Variants in HDAC9 observed in about 807,000 individuals in gnomAD.
The protein encoded by HDAC9 is histone deacetylase 9.
In HDAC9, 41 loss-of-function variants were observed where a neutral mutation model predicts 139.4. That is an observed-to-expected ratio of 0.29 (90% CI 0.23 to 0.38). The LOEUF (loss-of-function observed/expected upper bound fraction) is 0.38. Ranked by LOEUF, HDAC9 falls within the 10% of genes least tolerant of loss-of-function variation. The pLI, the probability that HDAC9 is intolerant of heterozygous loss-of-function variation, is 1.00. For missense variants in HDAC9, 1,147 were observed against 1,297.0 expected, an observed-to-expected ratio of 0.88 and a Z score of 1.78; for synonymous variants, 517 against 476.2, an observed-to-expected ratio of 1.09 and a Z score of -1.12.
chr7:18,476,431 A>G (rs1446331847), intron 1 of HDAC9, among the ~76,000 whole-genome samples: 1 of 151,980 alleles, frequency 6.6e-6, no homozygotes, highest in East Asian at 1.9e-4. Context: ...ACTCAAACCC[A>G]TACTTATTAG....
intron 11 of HDAC9, among the ~76,000 whole-genome samples, chr7:18,655,535 A>G (rs1790838800): frequency 6.6e-6 from 1 of 152,228 alleles, no homozygotes; most frequent in Non-Finnish European, 1.5e-5. Context: ...AGGAATTCAT[A>G]TAGATGTATT....
At position 18,840,852 on chromosome 7, in the gene HDAC9, G is replaced by C. The variant is rs1796539182; in HGVS notation, c.2684+4855G>C. Among the ~76,000 whole-genome samples, 4 of 152,230 alleles carry C rather than the reference G, an allele frequency of 2.6e-5. No homozygotes were observed. In the South Asian group the frequency reaches 8.3e-4, roughly 32 times the overall value. Reference sequence around the variant, plus strand: ...AGTTCACAGTCAAAGTGGCAATTCTGTTCCTGATGCTGAGTCTTTAATATA... The same window carrying C: ...AGTTCACAGTCAAAGTGGCAATTCTCTTCCTGATGCTGAGTCTTTAATATA... On this transcript the variant is annotated intron_variant, in intron 21 of 25. Coordinates refer to ENST00000686413, the MANE Select transcript of HDAC9 (RefSeq NM_178425.4).
intron 1 of HDAC9, among the ~76,000 whole-genome samples, chr7:18,391,418 G>C (rs1786480113): frequency 6.6e-6 from 1 of 151,896 alleles, no homozygotes; most frequent in Non-Finnish European, 1.5e-5. Context: ...AAAAAGAAGA[G>C]AGAACATTGT....
At chr7:18,475,729 C>T (rs530811306) in intron 1 of HDAC9, among the ~76,000 whole-genome samples, 1 of 152,274 alleles carries the variant, frequency 6.6e-6, no homozygotes, top group East Asian at 1.9e-4. Context: ...CACAAAAGGG[C>T]TTTGTTCACT....
At chr7:18,709,842 C>T (rs1784217344) in intron 12 of HDAC9, among the ~76,000 whole-genome samples, 2 of 152,282 alleles carry the variant, frequency 1.3e-5, no homozygotes, top group Admixed American at 1.3e-4. Context: ...CAGCCTTGCC[C>T]TGTGATTCTA....
In HDAC9 at chr7:18,451,257, A is replaced by G. The variant is rs1644910855; in HGVS notation, c.-41-45005A>G. On this transcript the variant is annotated intron_variant, in intron 1 of 3. Transcript: ENST00000413509. ...AAATATGCTAGCCCCTCGATTCTGG[A>G]CTTCCCAGCCCCCAGAACTGTGAGA... Among the ~76,000 whole-genome samples the G allele has an allele frequency of 2.6e-5, 4 of 152,050 alleles. No individual in the cohort carries two copies. In the South Asian group the frequency reaches 8.3e-4, roughly 32 times the overall value.
chr7:18,429,815 A>G (rs1790472829), intron 1 of HDAC9, among the ~76,000 whole-genome samples: 1 of 152,226 alleles, frequency 6.6e-6, no homozygotes, highest in Non-Finnish European at 1.5e-5. Context: ...GACAAAGAAT[A>G]CACATTTTTC....
intron 2 of HDAC9, among the ~76,000 whole-genome samples, chr7:18,227,389 G>C (rs539200861): frequency 3.3e-5 from 5 of 152,266 alleles, no homozygotes; most frequent in African/African-American, 1.2e-4. Flanking sequence ...TGGTTTATGG[G>C]AGGAGAAAGG....
At chr7:18,949,011 C>G in intron 23 of HDAC9, 2 of 406,054 alleles carry the variant, frequency 4.9e-6, no homozygotes, top group South Asian at 2.0e-5. Flanking sequence ...AGAGAACCAC[C>G]TTTTTGTGTA....
intron 1 of HDAC9, among the ~76,000 whole-genome samples, chr7:18,482,811 G>T (rs1375098202): frequency 6.6e-6 from 1 of 152,104 alleles, no homozygotes; most frequent in East Asian, 1.9e-4. Context: ...GTGGCTTGCT[G>T]CCCTCTCTGG....
intron 2 of HDAC9, among the ~76,000 whole-genome samples, chr7:18,530,092 C>T (rs957736467): frequency 6.6e-6 from 1 of 151,294 alleles, no homozygotes; most frequent in Non-Finnish European, 1.5e-5. Context: ...CCAGGCTGGG[C>T]AACAAAGCAA....
intron 2 of HDAC9, among the ~76,000 whole-genome samples, chr7:18,259,045 C>G (rs1470672152): frequency 6.7e-6 from 1 of 148,384 alleles, no homozygotes; most frequent in African/African-American, 2.5e-5. Context: ...TCTTGGCTCC[C>G]TGCAACCTCC....
At chr7:18,922,012 G>C (rs996392634) in intron 22 of HDAC9, among the ~76,000 whole-genome samples, 9 of 145,666 alleles carry the variant, frequency 6.2e-5, no homozygotes, top group African/African-American at 2.0e-4. Flanking sequence ...CTCACTCATA[G>C]GTTGGAACTG....
intron 12 of HDAC9, 176 bp downstream of exon 12, chr7:18,666,652 G>A: frequency 1.4e-6 from 2 of 1,398,112 alleles, no homozygotes; most frequent in Non-Finnish European, 1.9e-6. Flanking sequence ...TCTATATAGA[G>A]GTCTTTCTAT....
At chr7:18,120,535 G>T (rs560301128) in intron 1 of HDAC9, among the ~76,000 whole-genome samples, 2 of 151,420 alleles carry the variant, frequency 1.3e-5, no homozygotes, top group East Asian at 3.9e-4. Flanking sequence ...CTTCATCCTC[G>T]TTTCTTCATT....
chr7:18,911,206 A>C (rs192504316), intron 22 of HDAC9, among the ~76,000 whole-genome samples: 1 of 138,886 alleles, frequency 7.2e-6, no homozygotes, highest in South Asian at 2.2e-4. Flanking sequence ...AAATGTATCT[A>C]TTTCCTCTAG....
At chr7:18,434,774 A>G (rs1791017896) in intron 1 of HDAC9, among the ~76,000 whole-genome samples, 1 of 152,154 alleles carries the variant, frequency 6.6e-6, no homozygotes, top group Non-Finnish European at 1.5e-5. Context: ...AAAAAGGAAC[A>G]CTTATACACA....
intron 2 of HDAC9, among the ~76,000 whole-genome samples, chr7:18,182,558 C>G (rs902782205): frequency 1.3e-5 from 2 of 152,186 alleles, no homozygotes; most frequent in African/African-American, 4.8e-5. Context: ...TTGAGTTTTT[C>G]TCACAAGCCA....
chr7:18,178,388 C>G (rs927729663), intron 2 of HDAC9, among the ~76,000 whole-genome samples: 1 of 152,192 alleles, frequency 6.6e-6, no homozygotes, highest in Non-Finnish European at 1.5e-5. Flanking sequence ...CCCGGCCCCC[C>G]TCTTTCTAAG....
Sources: gnomAD v4.1 joint callset for allele counts (sites outside exome capture counted in the v4.1 genomes callset) on GRCh38, gnomAD v4.1.1 for gene constraint, MANE v1.5 for transcripts, NCBI Gene and HGNC (gene_info 2026-07-23, HGNC 2026-07-21) for gene names.